The following UPP2 variants were observed in gnomAD, a reference collection of about 807,000 sequenced individuals.
The protein encoded by UPP2 is uridine phosphorylase 2, also known as UPase 2.
UPP2 carries 23 observed loss-of-function variants against 26.7 expected under a neutral mutation model. The ratio of observed to expected loss-of-function variants is 0.86; its 90% confidence interval spans 0.62 to 1.22. The LOEUF is 1.22. Ranked by LOEUF, UPP2 falls within the 50% of genes most tolerant of loss-of-function variation. The probability of loss-of-function intolerance (pLI) is 0.00; values close to 1 mark genes in which losing one functional copy is unlikely to be tolerated. For synonymous variants in UPP2, 127 were observed against 141.3 expected (o/e 0.90, Z 0.72); for missense variants, 387 against 396.7 (o/e 0.98, Z 0.21).
chr2:158,052,484 C>T (rs537125684), intron 3 of UPP2, among the ~76,000 whole-genome samples: 16 of 152,290 alleles, frequency 1.1e-4, no homozygotes, highest in African/African-American at 3.6e-4. Flanking sequence ...GGAGTAAGGC[C>T]TACCATTCTA....
intron 6 of UPP2, among the ~76,000 whole-genome samples, chr2:158,131,388 T>C (rs776838969): frequency 6.6e-6 from 1 of 152,104 alleles, no homozygotes; most frequent in Admixed American, 6.5e-5. Flanking sequence ...TGGTGGTCCA[T>C]AGGGGTGCGT....
intron 2 of UPP2, among the ~76,000 whole-genome samples, chr2:158,008,834 T>G (rs1683532934): frequency 6.6e-6 from 1 of 152,240 alleles, no homozygotes; most frequent in South Asian, 2.1e-4. Context: ...AATAATTTTG[T>G]AGTTGCTAAT....
chr2:158,017,625 T>C (rs1683681175), intron 3 of UPP2, among the ~76,000 whole-genome samples: 2 of 152,220 alleles, frequency 1.3e-5, no homozygotes, highest in Non-Finnish European at 2.9e-5. Context: ...GTGTTGAAAC[T>C]GGGAAAAGTT....
chr2:158,034,427 C>T (rs569562740), intron 3 of UPP2, among the ~76,000 whole-genome samples: 23 of 152,236 alleles, frequency 1.5e-4, no homozygotes, highest in African/African-American at 5.3e-4. Context: ...AGAAGGAAAC[C>T]GTCCAGCAGG....
chr2:158,063,421 T>A (rs941262293), intron 3 of UPP2, among the ~76,000 whole-genome samples: 2 of 152,180 alleles, frequency 1.3e-5, no homozygotes, highest in African/African-American at 4.8e-5. Context: ...TACCTTGTAG[T>A]ATAACTTTGA....
At chr2:158,112,347 T>C (rs2105219516) in intron 2 of UPP2, among the ~76,000 whole-genome samples, 1 of 152,218 alleles carries the variant, frequency 6.6e-6, no homozygotes, top group Middle Eastern at 3.4e-3. Context: ...CTAAGACAAT[T>C]TATTGTGAAA....
Position 158,135,003 on chromosome 2 carries a change from T to C in UPP2, c.*113T>C. ...ATATAGTTCTCATCCACATGCTAAA[T>C]GGAAAGACTTTATGAAATCCTTCTC... On this transcript the variant is annotated 3_prime_UTR_variant, in exon 7 of 7. Coordinates refer to ENST00000005756, the MANE Select transcript of UPP2 (RefSeq NM_173355.4). The C allele has an allele frequency of 8.1e-7, 1 of 1,237,886 alleles. No homozygotes were observed. Among genetic ancestry groups the C allele is most frequent in the Non-Finnish European group, 1.1e-6 (1 of 938,628 alleles). The allele number at this position is 1,237,886 out of a possible 1,614,324, so 76.7% of individuals were successfully genotyped here. A position where few individuals can be genotyped will look rare whatever the true frequency, so the allele number is the denominator to read the frequency against.
intron 3 of UPP2, among the ~76,000 whole-genome samples, chr2:158,032,344 C>T (rs1278629693): frequency 1.3e-5 from 2 of 152,114 alleles, no homozygotes; most frequent in Non-Finnish European, 2.9e-5. Flanking sequence ...AGGGGACCCC[C>T]TCCATGGGCT....
At chr2:158,071,199 G>A (rs1682533967) in intron 3 of UPP2, among the ~76,000 whole-genome samples, 1 of 152,106 alleles carries the variant, frequency 6.6e-6, no homozygotes, top group African/African-American at 2.4e-5. Context: ...CATCAGCTGG[G>A]GTGGCTAAGG....
At chr2:158,001,965 A>AAG in intron 2 of UPP2, among the ~76,000 whole-genome samples, 1 of 106,610 alleles carries the variant, frequency 9.4e-6, no homozygotes, top group Non-Finnish European at 1.8e-5. Flanking sequence ...ACCAAAAAAA[A>AAG]AAAAAAAAAA....
At chr2:158,042,708 G>T (rs1164678523) in intron 3 of UPP2, among the ~76,000 whole-genome samples, 1 of 152,228 alleles carries the variant, frequency 6.6e-6, no homozygotes, top group African/African-American at 2.4e-5. Flanking sequence ...TAGGAAGAGA[G>T]AGGAAGGCCT....
chr2:158,076,585 T>C (rs1446898672), intron 3 of UPP2, among the ~76,000 whole-genome samples: 1 of 152,014 alleles, frequency 6.6e-6, no homozygotes, highest in East Asian at 1.9e-4. Context: ...ATTATGTCAA[T>C]TGATGCTGAA....
chr2:158,101,840 T>G (rs1469633560), upstream of UPP2: 1 of 1,325,242 alleles, frequency 7.5e-7, no homozygotes, highest in Non-Finnish European at 9.6e-7. Context: ...TGGGCTGTGG[T>G]ATAAAAGTCA....
At chr2:158,086,395 C>A (rs10205037) in intron 3 of UPP2, among the ~76,000 whole-genome samples, 4,006 of 152,018 alleles carry the variant, frequency 0.026, 188 homozygotes, top group African/African-American at 0.088. Context: ...TTTCTTGTTT[C>A]ATCTCACTAG....
At chr2:158,087,710 C>T (rs546903555) in intron 3 of UPP2, among the ~76,000 whole-genome samples, 114 of 152,168 alleles carry the variant, frequency 7.5e-4, no homozygotes, top group African/African-American at 2.7e-3. Context: ...TTCTCTCAGC[C>T]TTTGTTTGCC....
chr2:158,082,479 T>C (rs993006566), intron 3 of UPP2, among the ~76,000 whole-genome samples: 2 of 152,156 alleles, frequency 1.3e-5, no homozygotes, highest in Non-Finnish European at 2.9e-5. Context: ...CCTGAGTGCC[T>C]TCACTTAGAA....
intron 2 of UPP2, chr2:158,015,704 C>A: frequency 2.3e-6 from 1 of 431,788 alleles, no homozygotes. Context: ...CCTTGCTGTT[C>A]TTGTGATAGT....
At chr2:157,998,148 T>C (rs1048324665) in intron 2 of UPP2, among the ~76,000 whole-genome samples, 1 of 152,132 alleles carries the variant, frequency 6.6e-6, no homozygotes, top group Admixed American at 6.5e-5. Flanking sequence ...TCTTGGTGGA[T>C]TGACTAAAAC....
intron 2 of UPP2, among the ~76,000 whole-genome samples, chr2:158,015,142 G>T (rs1356882353): frequency 6.6e-6 from 1 of 152,104 alleles, no homozygotes; most frequent in Non-Finnish European, 1.5e-5. Flanking sequence ...ATACAGTTTA[G>T]TAGTGTTAAG....
Sources: gnomAD v4.1 joint callset for allele counts (sites outside exome capture counted in the v4.1 genomes callset) on GRCh38, gnomAD v4.1.1 for gene constraint, MANE v1.5 for transcripts, NCBI Gene and HGNC (gene_info 2026-07-23, HGNC 2026-07-21) for gene names.